EPM2A: variants seen among roughly 807,000 people sequenced by gnomAD.
EPM2A encodes the protein laforin.
EPM2A carries 21 observed loss-of-function variants against 26.5 expected under a neutral mutation model. The observed-to-expected ratio is 0.79, with a 90% CI of 0.56 to 1.14. The LOEUF is 1.14. Ranked by LOEUF, EPM2A falls within the 50% of genes most tolerant of loss-of-function variation. The pLI, the probability that EPM2A is intolerant of heterozygous loss-of-function variation, is 0.00. For synonymous variants in EPM2A, 217 were observed against 177.6 expected, an observed-to-expected ratio of 1.22 and a Z score of -1.76; for missense variants, 458 against 440.8, an observed-to-expected ratio of 1.04 and a Z score of -0.35.
At chr6:145,697,420 G>C (rs1356430596) in intron 1 of EPM2A, among the ~76,000 whole-genome samples, 2 of 152,156 alleles carry the variant, frequency 1.3e-5, no homozygotes, top group East Asian at 1.9e-4. Context: ...AATTAAAATT[G>C]CTAATGAAGT....
intron 2 of EPM2A, among the ~76,000 whole-genome samples, chr6:145,533,171 A>G (rs895646033): frequency 6.6e-6 from 1 of 152,158 alleles, no homozygotes; most frequent in Non-Finnish European, 1.5e-5. Flanking sequence ...GGAAAAGACT[A>G]TCAGGAGTCA....
At chr6:145,708,710 G>A (rs1293007649) in intron 1 of EPM2A, among the ~76,000 whole-genome samples, 1 of 152,184 alleles carries the variant, frequency 6.6e-6, no homozygotes, top group East Asian at 1.9e-4. Context: ...CAGTGCAGAA[G>A]AAAAATGTGG....
chr6:145,434,342 C>T (rs539664756), intron 4 of EPM2A, among the ~76,000 whole-genome samples: 43 of 151,548 alleles, frequency 2.8e-4, no homozygotes, highest in Non-Finnish European at 6.2e-4. Flanking sequence ...CTGACTGCTG[C>T]AGCTTCAACC....
At chr6:145,430,103 A>C (rs1174132156) in intron 4 of EPM2A, among the ~76,000 whole-genome samples, 1 of 151,948 alleles carries the variant, frequency 6.6e-6, no homozygotes, top group Non-Finnish European at 1.5e-5. Flanking sequence ...GAGGCAGGAG[A>C]ATCGCTTGAA....
At chr6:145,518,382 C>T (rs951740610) in intron 2 of EPM2A, among the ~76,000 whole-genome samples, 4 of 151,990 alleles carry the variant, frequency 2.6e-5, no homozygotes, top group Non-Finnish European at 4.4e-5. Flanking sequence ...TAATAGCATG[C>T]CTACTGTTCA....
At chr6:145,483,099 A>C (rs1779630242) in intron 4 of EPM2A, among the ~76,000 whole-genome samples, 1 of 152,106 alleles carries the variant, frequency 6.6e-6, no homozygotes, top group Non-Finnish European at 1.5e-5. Flanking sequence ...CAAATGGGCG[A>C]ATGTAAGCTC....
At chr6:145,530,261 A>G (rs1235608424) in intron 2 of EPM2A, among the ~76,000 whole-genome samples, 1 of 152,212 alleles carries the variant, frequency 6.6e-6, no homozygotes, top group African/African-American at 2.4e-5. Context: ...AATCTGGGCT[A>G]TTCCCTCTAG....
intron 2 of EPM2A, among the ~76,000 whole-genome samples, chr6:145,655,703 T>G (rs1332562803): frequency 2.0e-5 from 3 of 152,132 alleles, no homozygotes; most frequent in Admixed American, 6.6e-5. Context: ...GGGATTGCCA[T>G]AGATAAAAAT....
intron 4 of EPM2A, among the ~76,000 whole-genome samples, chr6:145,467,717 T>C (rs1182042883): frequency 6.6e-6 from 1 of 152,164 alleles, no homozygotes; most frequent in African/African-American, 2.4e-5. Flanking sequence ...TTAAATATTA[T>C]CTTTCAGGAA....
At chr6:145,622,230 C>T (rs889191298), downstream of EPM2A, among the ~76,000 whole-genome samples, 1 of 151,908 alleles carries the variant, frequency 6.6e-6, no homozygotes, top group African/African-American at 2.4e-5. Flanking sequence ...TTTGAATGGC[C>T]CCAGTTTTCT....
intron 2 of EPM2A, among the ~76,000 whole-genome samples, chr6:145,658,577 G>C (rs1463889044): frequency 6.6e-6 from 1 of 152,068 alleles, no homozygotes; most frequent in South Asian, 2.1e-4. Flanking sequence ...CTGAATACCA[G>C]ATGAAAGTTA....
chr6:145,573,997 A>G (rs1780995603), intron 2 of EPM2A, among the ~76,000 whole-genome samples: 1 of 152,104 alleles, frequency 6.6e-6, no homozygotes, highest in Non-Finnish European at 1.5e-5. Flanking sequence ...ATGCACAGTT[A>G]CCCTGGTAAA....
At chr6:145,475,803 C>T (rs1468065897) in intron 4 of EPM2A, among the ~76,000 whole-genome samples, 1 of 151,846 alleles carries the variant, frequency 6.6e-6, no homozygotes, top group Admixed American at 6.6e-5. Flanking sequence ...TGGATACACA[C>T]ACACACAAAA....
Position 145,494,331 on chromosome 6 carries a change from C to T in EPM2A, c.555+8191G>A, listed in dbSNP as rs558646540. On this transcript the variant is annotated intron_variant, in intron 4 of 4. Coordinates refer to the EPM2A transcript ENST00000638717. ...ATTTCTGTGGGTTCAGTGGTAATATCCCCTTTATCATTTCTGATTGTGTTT... is the reference window on the plus strand; with the variant it reads ...ATTTCTGTGGGTTCAGTGGTAATATTCCCTTTATCATTTCTGATTGTGTTT... Among the ~76,000 whole-genome samples the T allele has an allele frequency of 2.6e-5, 4 of 152,208 alleles. No individual in the cohort carries two copies. The South Asian group carries it at 8.3e-4, about 32-fold the overall frequency.
chr6:145,490,427 C>T (rs1427378550), intron 4 of EPM2A: 9 of 766,396 alleles, frequency 1.2e-5, no homozygotes, highest in South Asian at 1.1e-4. Context: ...GCAAATCTTT[C>T]ATGACAATTT....
intron 2 of EPM2A, among the ~76,000 whole-genome samples, chr6:145,641,942 C>T (rs2128569401): frequency 6.6e-6 from 1 of 152,254 alleles, no homozygotes; most frequent in South Asian, 2.1e-4. Flanking sequence ...AGAGAATGAA[C>T]CTCAATGAAG....
intron 2 of EPM2A, among the ~76,000 whole-genome samples, chr6:145,562,238 T>C (rs1253065005): frequency 6.6e-6 from 1 of 152,092 alleles, no homozygotes; most frequent in Admixed American, 6.6e-5. Flanking sequence ...TGAGAACACT[T>C]AAAATCTACT....
At chr6:145,596,593 TC>T (rs1781346143) in intron 2 of EPM2A, among the ~76,000 whole-genome samples, 2 of 152,188 alleles carry the variant, frequency 1.3e-5, no homozygotes, top group South Asian at 4.1e-4. Context: ...GTCATATATT[TC>T]TTTTTTAGTT....
intron 1 of EPM2A, among the ~76,000 whole-genome samples, chr6:145,708,419 G>C (rs961194735): frequency 1.3e-5 from 2 of 152,180 alleles, no homozygotes; most frequent in Admixed American, 6.5e-5. Flanking sequence ...GCTGGGCCCA[G>C]GGCCCACTGC....
Sources: gnomAD v4.1 joint callset for allele counts (sites outside exome capture counted in the v4.1 genomes callset) on GRCh38, gnomAD v4.1.1 for gene constraint, MANE v1.5 for transcripts, NCBI Gene and HGNC (gene_info 2026-07-23, HGNC 2026-07-21) for gene names.